The following CEP128 variants were observed in gnomAD, a reference collection of about 807,000 sequenced individuals.
CEP128 encodes the protein centrosomal protein 128kDa.
A neutral mutation model predicts 156.7 loss-of-function variants in CEP128; 132 were observed. The observed-to-expected ratio is 0.84, with a 90% CI of 0.73 to 0.97. The LOEUF is 0.97. Among genes scored for constraint, CEP128 ranks in the 50% least tolerant of loss-of-function variants. CEP128 has a pLI of 0.00. For missense variants in CEP128, 1,252 were observed against 1,281.9 expected (o/e 0.98, Z 0.36); for synonymous variants, 469 against 448.9 (o/e 1.04, Z -0.57).
chr14:80,595,641 A>T (rs1289106967), intron 19 of CEP128, among the ~76,000 whole-genome samples: 3 of 152,240 alleles, frequency 2.0e-5, no homozygotes, highest in Admixed American at 1.3e-4. Flanking sequence ...ATGATAAATC[A>T]AAATGTAATT....
chr14:80,716,492 G>A lies in CEP128; in HGVS notation c.2806+26583C>T, dbSNP rs570920452. On this transcript the variant is annotated intron_variant, in intron 19 of 24. Coordinates refer to ENST00000555265, the MANE Select transcript of CEP128 (RefSeq NM_152446.5). ...CTGTTCAGGACATTTCATATAAACA[G>A]AACCACATAATATGTGTTCCCTTAT... is the stretch of plus-strand genomic sequence containing the variant. Among the ~76,000 whole-genome samples the A allele has an allele frequency of 3.7e-3, 571 of 152,272 alleles. 6 individuals are homozygous for A. Among genetic ancestry groups the A allele is most frequent in the African/African-American group, 0.013 (558 of 41,564 alleles).
chr14:80,808,081 A>C (rs1001437548), intron 13 of CEP128, among the ~76,000 whole-genome samples: 3 of 152,212 alleles, frequency 2.0e-5, no homozygotes, highest in Non-Finnish European at 4.4e-5. Flanking sequence ...AAGTGACCCC[A>C]CCACCAGTAG....
chr14:80,493,877 G>A (rs1010163483), downstream of CEP128, among the ~76,000 whole-genome samples: 1 of 152,186 alleles, frequency 6.6e-6, no homozygotes, highest in Non-Finnish European at 1.5e-5. Context: ...GAACTAGAAG[G>A]TGCGGCTGGT....
intron 2 of CEP128, among the ~76,000 whole-genome samples, chr14:80,920,820 T>G (rs944061001): frequency 6.6e-6 from 1 of 152,202 alleles, no homozygotes; most frequent in Non-Finnish European, 1.5e-5. Context: ...CTCCTACACT[T>G]TCCTAATGGG....
chr14:80,823,692 G>A lies in CEP128; in HGVS notation c.1209+7451C>T, dbSNP rs150853009. On this transcript the variant is annotated intron_variant, in intron 13 of 24. Coordinates refer to ENST00000555265, the MANE Select transcript of CEP128 (RefSeq NM_152446.5). ...CTGATGCAAGAGGTGGGCTCCCACC[G>A]CCCTGCACAGCTTCCACCCCTGTGG... Among the ~76,000 whole-genome samples, 976 of 152,096 alleles carry A rather than the reference G, an allele frequency of 6.4e-3. 8 individuals carry two copies. The highest frequency in any genetic ancestry group is 9.2e-3 in the Non-Finnish European group (626 of 67,992).
chr14:80,689,816 T>A (rs1036919687), intron 19 of CEP128, among the ~76,000 whole-genome samples: 2 of 152,020 alleles, frequency 1.3e-5, no homozygotes, highest in Non-Finnish European at 2.9e-5. Flanking sequence ...TAAAATGTAT[T>A]AATTTATACA....
At chr14:80,877,455 T>C (rs1352198181) in intron 8 of CEP128, among the ~76,000 whole-genome samples, 1 of 151,982 alleles carries the variant, frequency 6.6e-6, no homozygotes, top group Non-Finnish European at 1.5e-5. Context: ...GTAAAAAAAA[T>C]GTATAAGATA....
chr14:80,525,832 C>A (rs902329285), intron 23 of CEP128, among the ~76,000 whole-genome samples: 32 of 152,178 alleles, frequency 2.1e-4, no homozygotes, highest in Admixed American at 2.0e-4. Context: ...GAAATGAACA[C>A]TGTCTTTATA....
intron 8 of CEP128, among the ~76,000 whole-genome samples, chr14:80,881,432 T>C (rs1377038764): frequency 6.6e-6 from 1 of 152,166 alleles, no homozygotes; most frequent in Non-Finnish European, 1.5e-5. Context: ...AGACGTAACA[T>C]GTCTTCTAGC....
At chr14:80,632,007 AGCTG>A (rs1487564818) in intron 19 of CEP128, among the ~76,000 whole-genome samples, 1 of 152,088 alleles carries the variant, frequency 6.6e-6, no homozygotes, top group African/African-American at 2.4e-5. Flanking sequence ...CCATATTACT[AGCTG>A]ATGTGTTATT....
chr14:80,848,800 T>G (rs1408314673), intron 9 of CEP128, among the ~76,000 whole-genome samples: 2 of 151,850 alleles, frequency 1.3e-5, no homozygotes, highest in African/African-American at 4.8e-5. Context: ...GACATGCCTG[T>G]AATCCCAGAT....
At chr14:80,699,013 T>C (rs1010835622) in intron 19 of CEP128, among the ~76,000 whole-genome samples, 1 of 152,170 alleles carries the variant, frequency 6.6e-6, no homozygotes, top group African/African-American at 2.4e-5. Context: ...ATATTGGATA[T>C]GGAATCTTGG....
intron 23 of CEP128, among the ~76,000 whole-genome samples, chr14:80,517,176 GT>G: frequency 6.6e-6 from 1 of 150,574 alleles, no homozygotes; most frequent in South Asian, 2.1e-4. Flanking sequence ...ATTCTTATTG[GT>G]TTTTTCAAAG....
intron 2 of CEP128, chr14:80,955,851 G>A (rs1423778925): frequency 1.2e-6 from 2 of 1,614,182 alleles, no homozygotes; most frequent in Admixed American, 1.7e-5. Context: ...CGCAGACTCT[G>A]TGAGTACCCG....
intron 4 of CEP128, among the ~76,000 whole-genome samples, chr14:80,911,068 T>C (rs1480699334): frequency 3.3e-5 from 5 of 152,168 alleles, no homozygotes; most frequent in Non-Finnish European, 7.3e-5. Flanking sequence ...AGAAACAAAA[T>C]GTAACTCAAG....
At chr14:80,483,105 ACTGAT>A (rs1463632975) in intron 14 of CEP128, among the ~76,000 whole-genome samples, 3 of 152,220 alleles carry the variant, frequency 2.0e-5, no homozygotes, top group African/African-American at 7.2e-5. Flanking sequence ...TCAGGGAACA[ACTGAT>A]GTTATTTATC....
chr14:80,742,201 G>A (rs1488369062), intron 19 of CEP128, among the ~76,000 whole-genome samples: 2 of 152,108 alleles, frequency 1.3e-5, no homozygotes, highest in Non-Finnish European at 2.9e-5. Flanking sequence ...AAAAGTTTGG[G>A]CCTTCACAAT....
chr14:80,613,469 A>ATTT (rs368473582), intron 19 of CEP128, among the ~76,000 whole-genome samples: 26 of 139,774 alleles, frequency 1.9e-4, no homozygotes, highest in African/African-American at 5.2e-4. Flanking sequence ...TGGCTGGCTA[A>ATTT]TTTTTTTTTT....
chr14:80,748,361 T>C (rs1242052870), intron 18 of CEP128, among the ~76,000 whole-genome samples: 3 of 152,218 alleles, frequency 2.0e-5, no homozygotes, highest in Admixed American at 6.5e-5. Flanking sequence ...CTTTCTATTA[T>C]AATTTTCTAC....
Sources: allele counts gnomAD v4.1 joint callset (sites outside exome capture counted in the v4.1 genomes callset), GRCh38; gene constraint gnomAD v4.1.1; transcripts MANE v1.5; gene names NCBI Gene and HGNC (gene_info 2026-07-23, HGNC 2026-07-21).